Variants in ERP29 observed in about 807,000 individuals in gnomAD.
ERP29 encodes the protein endoplasmic reticulum resident protein 29.
Under a neutral mutation model 21.7 loss-of-function variants are expected in ERP29, and 14 were observed. The observed-to-expected ratio is 0.64, with a 90% confidence interval of 0.43 to 1.01. The LOEUF (loss-of-function observed/expected upper bound fraction) is 1.01, where lower values mean the gene tolerates loss of function less well. Among genes scored for constraint, ERP29 ranks in the 50% least tolerant of loss-of-function variants. The pLI, the probability that ERP29 is intolerant of heterozygous loss-of-function variation, is 0.00. For synonymous variants in ERP29, 129 were observed against 139.1 expected (o/e 0.93, Z 0.51); for missense variants, 286 against 327.3 (o/e 0.87, Z 0.97).
chr12:112,021,953 A>G (rs978904373), intron 2 of ERP29, among the ~76,000 whole-genome samples, 197 bp from the exon 3 acceptor site: 40 of 152,196 alleles, frequency 2.6e-4, no homozygotes, highest in African/African-American at 9.4e-4. Context: ...AGAGAGTTTA[A>G]ATGATTTGCC....
chr12:112,022,769 C>A lies in ERP29; in HGVS notation c.*117C>A. 1 of 1,013,006 alleles carries A rather than the reference C, an allele frequency of 9.9e-7. No individual in the cohort carries two copies. Among genetic ancestry groups the A allele is most frequent in the Non-Finnish European group, 1.4e-6 (1 of 696,344 alleles). The allele number at this position is 1,013,006 out of a possible 1,614,324, so 62.8% of individuals were successfully genotyped here. On this transcript the variant is annotated 3_prime_UTR_variant, in exon 3 of 3. Coordinates refer to ENST00000261735, the MANE Select transcript of ERP29 (RefSeq NM_006817.4). ...TAGTGGGAAAAGTGGTACTAACCCA[C>A]GATTCTGAGCCCTGAGTATGCCTGG...
intron 1 of ERP29, among the ~76,000 whole-genome samples, chr12:112,018,023 G>A (rs2136778210): frequency 6.6e-6 from 1 of 152,032 alleles, no homozygotes; most frequent in Non-Finnish European, 1.5e-5. Flanking sequence ...GACCTCAGGT[G>A]ATCCACCCAT....
At chr12:112,014,770 C>T (rs2077991745) in intron 1 of ERP29, 1 of 152,258 alleles carries the variant, frequency 6.6e-6, no homozygotes, top group East Asian at 1.9e-4. Flanking sequence ...AGGTTTTGTA[C>T]TCATTGTGGG....
rs2078059941 is a variant in ERP29 at position 112,022,899 on chromosome 12, G to A, written c.*247G>A. ...TGAAATGACACCTCAGAAGGAATGA[G>A]TGCTATAGAGAGGAGAGAGGAGTGT... On this transcript the variant is annotated 3_prime_UTR_variant, in exon 3 of 3. Transcript: ENST00000261735. 1 of 522,930 alleles carries A rather than the reference G, an allele frequency of 1.9e-6. No individual in the cohort carries two copies. Among genetic ancestry groups the A allele is most frequent in the Admixed American group, 3.4e-5 (1 of 29,838 alleles). 32.4% of individuals were successfully genotyped at this position (522,930 alleles called of 1,614,324 possible).
Position 112,019,832 on chromosome 12 carries a change from A to G in ERP29, c.221A>G (p.Lys74Arg). Residue 74 changes from lysine to arginine, a missense_variant, in exon 2 of 3, where the codon AAG (lysine) becomes AGG (arginine). Physicochemically the swap from Lys to Arg is conservative, Grantham distance 26. Coordinates refer to ENST00000261735, the MANE Select transcript of ERP29 (RefSeq NM_006817.4). ...TACGGTGAGAAGCAGGATGAGTTCA[A>G]GCGTCTTGCTGAAAACTCGGCTTCC... ...YPYGEKQDEF[K>R]RLAENSASSD... 2 of 1,613,986 alleles carry G rather than the reference A, an allele frequency of 1.2e-6. No homozygotes were observed. The highest frequency in any genetic ancestry group is 1.7e-6 in the Non-Finnish European group (2 of 1,179,988).
intron 1 of ERP29, 59 bp downstream of exon 1, chr12:112,013,668 G>T (rs1447716769): frequency 1.4e-6 from 2 of 1,466,296 alleles, no homozygotes; most frequent in African/African-American, 2.9e-5. Flanking sequence ...AAGAGCGCGC[G>T]CCCGTGGGGA....
In ERP29 at chr12:112,022,741, G is replaced by GTA. The variant is rs2078058761; in HGVS notation, c.*89_*90insTA. On this transcript the variant is annotated 3_prime_UTR_variant, in exon 3 of 3. Transcript: ENST00000261735. ...TGTGAGTCCCTTGTGGAATATAAGG[G>GTA]GGTAGTGGGAAAAGTGGTACTAACC... 7.2e-7 allele frequency: 1 copy of GTA among 1,389,522 alleles called. No individual in the cohort carries two copies. Among genetic ancestry groups the GTA allele is most frequent in the South Asian group, 1.4e-5 (1 of 72,528 alleles). The allele number at this position is 1,389,522 out of a possible 1,614,324, so 86.1% of individuals were successfully genotyped here.
Position 112,013,598 on chromosome 12 carries a change from A to G in ERP29, c.133A>G (p.Thr45Ala). The G allele has an allele frequency of 6.3e-7, 1 of 1,593,186 alleles. No homozygotes were observed. Among genetic ancestry groups the G allele is most frequent in the Non-Finnish European group, 8.5e-7 (1 of 1,171,642 alleles). The stretch of plus-strand genomic sequence containing the variant: ...GGGCGCCCTTCCCCTGGATACGGTC[A>G]CTTTCTACAAGGTAACCGGGGCGGG... ...TKGALPLDTV[T>A]FYKVIPKSKF... Residue 45 changes from threonine to alanine, a missense_variant, in exon 1 of 3, where the codon ACT (threonine) becomes GCT (alanine). Coordinates refer to ENST00000261735, the MANE Select transcript of ERP29 (RefSeq NM_006817.4).
chr12:112,013,639 G>A, intron 1 of ERP29, 30 bp downstream of exon 1: 1 of 1,509,922 alleles, frequency 6.6e-7, no homozygotes, highest in South Asian at 1.2e-5. Context: ...TCGCGCGCAG[G>A]TGCCGCCGGG....
intron 2 of ERP29, 104 bp from the exon 3 acceptor site, chr12:112,022,046 G>A (rs1006332524): frequency 2.7e-5 from 32 of 1,191,506 alleles, no homozygotes; most frequent in Non-Finnish European, 3.5e-5. Flanking sequence ...ACCATTACAC[G>A]GCCAAGAAAA....
intron 1 of ERP29, chr12:112,019,085 C>T (rs906338530): frequency 6.5e-6 from 1 of 154,732 alleles, no homozygotes; most frequent in African/African-American, 2.4e-5. Flanking sequence ...TATGGTTGCA[C>T]ATTCTTAATG....
chr12:112,020,382 C>G (rs1035723685), intron 2 of ERP29, among the ~76,000 whole-genome samples: 14 of 152,152 alleles, frequency 9.2e-5, no homozygotes, highest in African/African-American at 3.4e-4. Flanking sequence ...CATTTAGTGG[C>G]TGACAGGGTA....
chr12:112,020,773 GT>G (rs2078040574), intron 2 of ERP29, among the ~76,000 whole-genome samples: 2 of 152,182 alleles, frequency 1.3e-5, no homozygotes, highest in African/African-American at 4.8e-5. Context: ...TGTTTACTGC[GT>G]GCCAGGCCGC....
Position 112,022,323 on chromosome 12 carries a change from G to T in ERP29, c.457G>T (p.Gly153Cys). The T allele has an allele frequency of 1.2e-6, 2 of 1,613,796 alleles. No homozygotes were observed. The highest frequency in any genetic ancestry group is 1.7e-6 in the Non-Finnish European group (2 of 1,179,830). Residue 153 changes from glycine to cysteine, a missense_variant, in exon 3 of 3, where the codon GGT (glycine) becomes TGT (cysteine). Transcript: ENST00000261735. The stretch of plus-strand genomic sequence containing the variant: ...GCTGAAGGGGCAAGGGGTCTACCTA[G>T]GTATGCCTGGTTGCCTGCCTGTATA... ...RWLKGQGVYLGMPGCLPVYDA... is the reference protein window; with the variant it reads ...RWLKGQGVYLCMPGCLPVYDA...
At chr12:112,020,775 G>A (rs2078040585) in intron 2 of ERP29, among the ~76,000 whole-genome samples, 1 of 152,186 alleles carries the variant, frequency 6.6e-6, no homozygotes, top group Non-Finnish European at 1.5e-5. Flanking sequence ...TTTACTGCGT[G>A]CCAGGCCGCT....
At chr12:112,015,440 A>G (rs1182524299) in intron 1 of ERP29, 1 of 152,254 alleles carries the variant, frequency 6.6e-6, no homozygotes, top group Non-Finnish European at 1.5e-5. Flanking sequence ...GTAAGCCGTC[A>G]TCATGCCATG....
chr12:112,016,077 T>C (rs1319141549), intron 1 of ERP29, among the ~76,000 whole-genome samples: 2 of 152,368 alleles, frequency 1.3e-5, no homozygotes, highest in East Asian at 3.9e-4. Flanking sequence ...TTTTTAAAAA[T>C]CTATTTTGCC....
rs185294277 is a variant in ERP29, at chr12:112,022,571, C to T, written c.705C>T (p.Asp235=). ...ARLIEKNKMS[D]GKKEELQKSL... ...TGATTGAGAAGAACAAGATGAGTGA[C>T]GGGAAGAAGGAGGAGCTCCAGAAGA... The change falls in exon 3 of 3, where the codon GAC becomes GAT. Residue 235 remains aspartate (D), a synonymous_variant. Transcript: ENST00000261735. 150 of 1,613,992 alleles carry T rather than the reference C, an allele frequency of 9.3e-5. 1 individual carries two copies. The East Asian group carries it at 2.4e-3, about 26-fold the overall frequency.
chr12:112,021,256 C>T (rs544359026), intron 2 of ERP29, among the ~76,000 whole-genome samples: 5 of 152,294 alleles, frequency 3.3e-5, no homozygotes, highest in South Asian at 2.1e-4. Context: ...CTGAGCTTAG[C>T]CCTGCCTCAG....
Sources: allele counts gnomAD v4.1 joint callset (sites outside exome capture counted in the v4.1 genomes callset), GRCh38; gene constraint gnomAD v4.1.1; transcripts MANE v1.5; gene names NCBI Gene and HGNC (gene_info 2026-07-23, HGNC 2026-07-21).